The following FSTL5 variants were observed in gnomAD, a reference collection of about 807,000 sequenced individuals.
FSTL5 encodes follistatin like 5.
A neutral mutation model predicts 89.1 loss-of-function variants in FSTL5; 62 were observed. The ratio of observed to expected loss-of-function variants is 0.70; its 90% CI spans 0.57 to 0.86. The LOEUF is 0.86. Ranked by LOEUF, FSTL5 falls within the 40% of genes least tolerant of loss-of-function variation. The pLI, the probability that FSTL5 is intolerant of heterozygous loss-of-function variation, is 0.00. For synonymous variants in FSTL5, 383 were observed against 346.2 expected (o/e 1.11, Z -1.18); for missense variants, 1,057 against 1,001.6 (o/e 1.06, Z -0.75).
chr4:161,673,209 C>T (rs1421007961), intron 6 of FSTL5, among the ~76,000 whole-genome samples: 1 of 151,982 alleles, frequency 6.6e-6, no homozygotes, highest in African/African-American at 2.4e-5. Context: ...CATGATTCCG[C>T]CTGTACCTAT....
chr4:161,576,700 T>A (rs1733220764), intron 8 of FSTL5, among the ~76,000 whole-genome samples: 1 of 152,200 alleles, frequency 6.6e-6, no homozygotes, highest in Non-Finnish European at 1.5e-5. Context: ...CCAACTATCA[T>A]CATCACACTC....
chr4:162,079,883 G>GTA (rs201816924), intron 2 of FSTL5, among the ~76,000 whole-genome samples: 2,401 of 151,092 alleles, frequency 0.016, 61 homozygotes, highest in African/African-American at 0.055. Context: ...ATTGTTTCTT[G>GTA]TATATATATA....
chr4:161,859,890 A>G (rs976805653), intron 4 of FSTL5, among the ~76,000 whole-genome samples: 2 of 152,186 alleles, frequency 1.3e-5, no homozygotes, highest in Non-Finnish European at 2.9e-5. Flanking sequence ...ATCAGATAAC[A>G]ATTAAATTAA....
intron 6 of FSTL5, among the ~76,000 whole-genome samples, chr4:161,748,609 T>G (rs1307933714): frequency 1.6e-5 from 2 of 123,050 alleles, no homozygotes; most frequent in East Asian, 4.3e-4. Context: ...GAAGCACGTT[T>G]TTTTTTTTTT....
intron 6 of FSTL5, among the ~76,000 whole-genome samples, chr4:161,729,534 A>G (rs1739536153): frequency 6.6e-6 from 1 of 152,134 alleles, no homozygotes; most frequent in African/African-American, 2.4e-5. Flanking sequence ...CCACTTCATC[A>G]TGTTCAGTGA....
intron 7 of FSTL5, among the ~76,000 whole-genome samples, chr4:161,624,686 AT>A (rs1013119654): frequency 6.6e-6 from 1 of 152,048 alleles, no homozygotes; most frequent in African/African-American, 2.4e-5. Context: ...AGAAAAAAAA[AT>A]ATTATCTACC....
At chr4:161,981,677 G>A (rs781615693) in intron 3 of FSTL5, among the ~76,000 whole-genome samples, 1 of 152,148 alleles carries the variant, frequency 6.6e-6, no homozygotes, top group Non-Finnish European at 1.5e-5. Context: ...GCAAATGTAG[G>A]TACTTTTTAA....
chr4:161,524,490 T>C (rs1731143428), intron 10 of FSTL5, among the ~76,000 whole-genome samples: 1 of 152,224 alleles, frequency 6.6e-6, no homozygotes, highest in African/African-American at 2.4e-5. Flanking sequence ...ACTCTTTTCA[T>C]TGACAGAATT....
chr4:161,972,116 G>A (rs182903819), intron 3 of FSTL5, among the ~76,000 whole-genome samples: 1 of 152,048 alleles, frequency 6.6e-6, no homozygotes, highest in African/African-American at 2.4e-5. Flanking sequence ...TTTTTTGAGG[G>A]AGTTTCGCTC....
chr4:161,736,270 T>C (rs1480698065), intron 6 of FSTL5, among the ~76,000 whole-genome samples: 1 of 151,948 alleles, frequency 6.6e-6, no homozygotes, highest in Non-Finnish European at 1.5e-5. Context: ...TCTAGCTCAT[T>C]TTTTATCACC....
At chr4:161,751,247 A>C (rs1490740052) in intron 6 of FSTL5, among the ~76,000 whole-genome samples, 1 of 152,162 alleles carries the variant, frequency 6.6e-6, no homozygotes, top group Non-Finnish European at 1.5e-5. Context: ...TACAGTTGAA[A>C]TTGGTATTGC....
chr4:161,539,524 T>G (rs1041794184), intron 9 of FSTL5, among the ~76,000 whole-genome samples: 1 of 152,210 alleles, frequency 6.6e-6, no homozygotes, highest in African/African-American at 2.4e-5. Context: ...TGAGAATCAC[T>G]ACTCCAAAAA....
At chr4:161,826,427 TTTG>T (rs976983931) in intron 4 of FSTL5, among the ~76,000 whole-genome samples, 3 of 152,162 alleles carry the variant, frequency 2.0e-5, no homozygotes, top group African/African-American at 4.8e-5. Flanking sequence ...CATTGTTTTT[TTTG>T]TTGTTGTTGT....
chr4:161,435,350 ATTTG>A (rs1225963172), intron 15 of FSTL5, among the ~76,000 whole-genome samples: 1 of 152,078 alleles, frequency 6.6e-6, no homozygotes. Flanking sequence ...GTTCTCATTT[ATTTG>A]TGGGAGCTAA....
rs201050351 is a variant in FSTL5, at chr4:161,920,681, G to C, written c.161-29C>G. The C allele has an allele frequency of 1.5e-4, 244 of 1,585,880 alleles. 4 individuals carry two copies. In the South Asian group the frequency reaches 2.6e-3, roughly 17 times the overall value. On this transcript the variant is annotated intron_variant, in intron 3 of 15. Coordinates refer to ENST00000306100, the MANE Select transcript of FSTL5 (RefSeq NM_020116.5). Reference sequence around the variant, plus strand: ...AAGAATTAAAAAAAAATTGAAAATCGTTTGGTTCATTTGTCCAAATAATAT... The same window carrying C: ...AAGAATTAAAAAAAAATTGAAAATCCTTTGGTTCATTTGTCCAAATAATAT...
intron 4 of FSTL5, among the ~76,000 whole-genome samples, chr4:161,781,608 T>C (rs1741670327): frequency 1.3e-5 from 2 of 152,152 alleles, no homozygotes; most frequent in Non-Finnish European, 2.9e-5. Context: ...GTTTTAGGCT[T>C]ACAAAATTGA....
intron 1 of FSTL5, among the ~76,000 whole-genome samples, chr4:162,120,468 T>C (rs1281929261): frequency 6.6e-6 from 1 of 152,028 alleles, no homozygotes; most frequent in African/African-American, 2.4e-5. Flanking sequence ...TAATACATCA[T>C]AGAACACAAG....
At chr4:161,945,797 T>C (rs1049139114) in intron 3 of FSTL5, among the ~76,000 whole-genome samples, 1 of 151,962 alleles carries the variant, frequency 6.6e-6, no homozygotes, top group Non-Finnish European at 1.5e-5. Flanking sequence ...TGTAGCAGAG[T>C]AGGGCAACTA....
At chr4:161,469,426 G>A (rs543843854) in intron 13 of FSTL5, among the ~76,000 whole-genome samples, 16 of 151,944 alleles carry the variant, frequency 1.1e-4, no homozygotes, top group African/African-American at 3.9e-4. Flanking sequence ...CAACAACAAC[G>A]CACAAGGGTT....
Sources: allele counts gnomAD v4.1 joint callset (sites outside exome capture counted in the v4.1 genomes callset), GRCh38; gene constraint gnomAD v4.1.1; transcripts MANE v1.5; gene names NCBI Gene and HGNC (gene_info 2026-07-23, HGNC 2026-07-21).